AZIN1: variants seen among roughly 807,000 people sequenced by gnomAD.
The protein encoded by AZIN1 is antizyme inhibitor 1, also known as ornithine decarboxylase antizyme inhibitor.
Under a neutral mutation model 47.4 loss-of-function variants are expected in AZIN1, and 12 were observed. The observed-to-expected ratio is 0.25, with a 90% CI of 0.16 to 0.41. The LOEUF (loss-of-function observed/expected upper bound fraction) is 0.41. Ranked by LOEUF, AZIN1 falls within the 10% of genes least tolerant of loss-of-function variation. The pLI is 1.00. For synonymous variants in AZIN1, 155 were observed against 176.3 expected, an observed-to-expected ratio of 0.88 and a Z score of 0.96; for missense variants, 410 against 532.4, an observed-to-expected ratio of 0.77 and a Z score of 2.26.
At chr8:102,834,797 A>G (rs749355793) in intron 6 of AZIN1, 50 bp from the exon 7 acceptor site, 1 of 1,255,568 alleles carries the variant, frequency 8.0e-7, no homozygotes, top group Non-Finnish European at 1.2e-6. Context: ...TTGTAGAGAC[A>G]CCTCCTGTAA....
In AZIN1 at chr8:102,850,871, C is replaced by CA. The variant is rs373613548; in HGVS notation, c.-95-7125dup. On this transcript the variant is annotated intron_variant, in intron 2 of 11. Transcript: ENST00000337198. Reference sequence around the variant, plus strand: ...AATGAATAGGAAATATATAAGGGGGCAAAAAATCCCAAAAGTTATAAGCCC... The same window carrying CA: ...AATGAATAGGAAATATATAAGGGGGCAAAAAAATCCCAAAAGTTATAAGCCC... Among the ~76,000 whole-genome samples the CA allele has an allele frequency of 2.7e-3, 414 of 152,134 alleles. 1 individual carries two copies. Among genetic ancestry groups the CA allele is most frequent in the African/African-American group, 4.0e-3 (165 of 41,504 alleles).
intron 9 of AZIN1, among the ~76,000 whole-genome samples, chr8:102,830,896 T>C (rs72686911): frequency 0.16 from 24,499 of 152,166 alleles, 2,162 homozygotes; most frequent in Admixed American, 0.27. Context: ...CAGGCTACAG[T>C]GCAGTAGCGT....
intron 2 of AZIN1, among the ~76,000 whole-genome samples, chr8:102,845,994 G>A (rs1812545468): frequency 6.6e-6 from 1 of 152,144 alleles, no homozygotes; most frequent in African/African-American, 2.4e-5. Flanking sequence ...AGAACCTACT[G>A]ATGATGTTCA....
Position 102,835,831 on chromosome 8 carries a change from G to A in AZIN1, c.584+425C>T, listed in dbSNP as rs867926840. Among the ~76,000 whole-genome samples the A allele has an allele frequency of 5.3e-5, 8 of 151,938 alleles. No individual in the cohort carries two copies. The South Asian group carries it at 1.7e-3, about 32-fold the overall frequency. The stretch of plus-strand genomic sequence containing the variant: ...AAGTATTTGAACCTCTTGGAGTCTC[G>A]GTTTCCTCACATATAAAATTAAAAG... On this transcript the variant is annotated intron_variant, in intron 6 of 11. Coordinates refer to ENST00000337198, the MANE Select transcript of AZIN1 (RefSeq NM_148174.4).
At chr8:102,832,087 C>T (rs1811498381) in intron 9 of AZIN1, among the ~76,000 whole-genome samples, 1 of 152,162 alleles carries the variant, frequency 6.6e-6, no homozygotes, top group Admixed American at 6.5e-5. Flanking sequence ...CATGAGGAAT[C>T]ATCCAACAAA....
chr8:102,857,050 T>C (rs1813338723), intron 2 of AZIN1, among the ~76,000 whole-genome samples: 1 of 152,226 alleles, frequency 6.6e-6, no homozygotes, highest in Non-Finnish European at 1.5e-5. Flanking sequence ...TCACATTTGC[T>C]CAAATTTACA....
chr8:102,862,995 C>T (rs1448204092), intron 1 of AZIN1, among the ~76,000 whole-genome samples: 1 of 152,236 alleles, frequency 6.6e-6, no homozygotes, highest in Non-Finnish European at 1.5e-5. Context: ...GGAACCATGG[C>T]GCGGACGGAA....
chr8:102,837,492 C>T (rs1043032133), intron 5 of AZIN1, among the ~76,000 whole-genome samples: 1 of 152,022 alleles, frequency 6.6e-6, no homozygotes, highest in Non-Finnish European at 1.5e-5. Context: ...CAGCTATGGC[C>T]CTAATTTGAT....
chr8:102,834,289 ATGTT>A, intron 7 of AZIN1, 26 bp from the exon 8 acceptor site: 1 of 1,579,688 alleles, frequency 6.3e-7, no homozygotes, highest in Non-Finnish European at 8.7e-7. Flanking sequence ...AAAAATTTAA[ATGTT>A]TTTCCAAATT....
chr8:102,837,844 A>G (rs946748316), intron 5 of AZIN1, among the ~76,000 whole-genome samples: 11 of 152,272 alleles, frequency 7.2e-5, no homozygotes, highest in Non-Finnish European at 2.9e-5. Context: ...CAACAACTGC[A>G]TAATTCAATA....
Position 102,833,159 on chromosome 8 carries a change from C to T in AZIN1, c.801G>A (p.Lys267=), listed in dbSNP as rs1400466539. ...AGTAGCTTCCGGGTTCTGAAATTAT[C>T]TTAACACCAGATCCTTCAGGAAAGT... ...DIYFPEGSGV[K]IISEPGSYYV... Residue 267 remains lysine (K), a synonymous_variant, in exon 9 of 12, where the codon AAG becomes AAA. Coordinates refer to ENST00000337198, the MANE Select transcript of AZIN1 (RefSeq NM_148174.4). 1.9e-6 allele frequency: 3 copies of T among 1,613,632 alleles called. No homozygotes were observed. The highest frequency in any genetic ancestry group is 1.7e-6 in the Non-Finnish European group (2 of 1,179,626).
chr8:102,854,085 C>T (rs902254139), intron 2 of AZIN1, among the ~76,000 whole-genome samples: 1 of 151,950 alleles, frequency 6.6e-6, no homozygotes, highest in African/African-American at 2.4e-5. Flanking sequence ...CATGCGTGCA[C>T]CACCATGCCC....
intron 5 of AZIN1, 41 bp from the exon 6 acceptor site, chr8:102,836,431 T>A: frequency 1.3e-6 from 2 of 1,599,376 alleles, no homozygotes; most frequent in Non-Finnish European, 1.7e-6. Flanking sequence ...TTGGTTTACA[T>A]CATCATCAGC....
Position 102,838,775 on chromosome 8 carries a change from T to C in AZIN1, c.418A>G (p.Lys140Glu). Residue 140 changes from lysine to glutamate, a missense_variant, in exon 5 of 12, where the codon AAG (lysine) becomes GAG (glutamate). This residue lies in a region of AZIN1 where 237 missense variants were observed against 309.4 expected (regional missense o/e 0.77). Transcript: ENST00000337198. ...ILTCDNEIEL[K>E]KIARNHPNAK... is the part of the protein sequence containing the mutation. The stretch of plus-strand genomic sequence containing the variant: ...TTTGGGTGATTACGTGCAATTTTCT[T>C]CAATTCAATTTCATTGTCACATGTC... 6.2e-7 allele frequency: 1 copy of C among 1,612,950 alleles called. No homozygotes were observed. The highest frequency in any genetic ancestry group is 8.5e-7 in the Non-Finnish European group (1 of 1,179,686).
intron 2 of AZIN1, among the ~76,000 whole-genome samples, chr8:102,852,112 C>G (rs1408930410): frequency 6.6e-6 from 1 of 152,120 alleles, no homozygotes; most frequent in African/African-American, 2.4e-5. Flanking sequence ...GTTGAACATA[C>G]CAGGATAACC....
At chr8:102,835,840 A>C (rs1169112796) in intron 6 of AZIN1, among the ~76,000 whole-genome samples, 1 of 152,142 alleles carries the variant, frequency 6.6e-6, no homozygotes, top group Non-Finnish European at 1.5e-5. Context: ...CGGTTTCCTC[A>C]CATATAAAAT....
intron 11 of AZIN1, 29 bp from the exon 12 acceptor site, chr8:102,828,707 TCA>T (rs2131184926): frequency 3.4e-6 from 5 of 1,491,884 alleles, no homozygotes; most frequent in Non-Finnish European, 4.6e-6. Flanking sequence ...AGCTAAATTC[TCA>T]GTTTAAGCCC....
chr8:102,843,949 A>G (rs551295634), intron 2 of AZIN1, among the ~76,000 whole-genome samples: 2 of 152,362 alleles, frequency 1.3e-5, no homozygotes, highest in African/African-American at 4.8e-5. Flanking sequence ...AAAAAGGTCA[A>G]TATAATTTGA....
At chr8:102,848,589 G>A (rs1812732401) in intron 2 of AZIN1, among the ~76,000 whole-genome samples, 1 of 152,120 alleles carries the variant, frequency 6.6e-6, no homozygotes, top group African/African-American at 2.4e-5. Context: ...CAAATGAAAT[G>A]CCACTTGGAA....
Sources: allele counts gnomAD v4.1 joint callset (sites outside exome capture counted in the v4.1 genomes callset), GRCh38; gene constraint gnomAD v4.1.1; regional missense constraint gnomAD v4.1.1; transcripts MANE v1.5; gene names NCBI Gene and HGNC (gene_info 2026-07-23, HGNC 2026-07-21).